Variants in ANK1 observed in about 807,000 individuals in gnomAD.
ANK1 encodes the protein ankyrin-1.
A neutral mutation model predicts 210.4 loss-of-function variants in ANK1; 51 were observed. The ratio of observed to expected loss-of-function variants is 0.24; its 90% CI spans 0.19 to 0.31. The LOEUF (loss-of-function observed/expected upper bound fraction) is 0.31. Among genes scored for constraint, ANK1 ranks in the 10% least tolerant of loss-of-function variants. The pLI is 1.00. For missense variants in ANK1, 2,051 were observed against 2,504.4 expected (o/e 0.82, Z 3.86); for synonymous variants, 967 against 1,025.9 (o/e 0.94, Z 1.10).
chr8:41,714,999 C>T lies in ANK1; in HGVS notation c.1678G>A (p.Ala560Thr), dbSNP rs911913735. ...RVAELLLERD[A>T]HPNAAGKNGL... Reference sequence around the variant, plus strand: ...ACTTTTCCGGCAGCATTCGGGTGTGCGTCCCGCTCCAGCAGCAGCTCTGCC... The same window carrying T: ...ACTTTTCCGGCAGCATTCGGGTGTGTGTCCCGCTCCAGCAGCAGCTCTGCC... Residue 560 changes from alanine to threonine, a missense_variant, in exon 15 of 43, where the codon GCA (alanine) becomes ACA (threonine). Coordinates refer to ENST00000289734, the MANE Select transcript of ANK1 (RefSeq NM_000037.4). 1.2e-6 allele frequency: 2 copies of T among 1,614,120 alleles called. No homozygotes were observed. The highest frequency in any genetic ancestry group is 2.7e-5 in the African/African-American group (2 of 75,042).
chr8:41,800,250 T>C (rs1849652902), upstream of ANK1, among the ~76,000 whole-genome samples: 1 of 152,190 alleles, frequency 6.6e-6, no homozygotes, highest in Non-Finnish European at 1.5e-5. Context: ...GATACTACTT[T>C]AAGCACTTGA....
At chr8:41,873,108 G>A (rs1243612256) in intron 1 of ANK1, among the ~76,000 whole-genome samples, 4 of 152,084 alleles carry the variant, frequency 2.6e-5, no homozygotes, top group African/African-American at 9.7e-5. Context: ...CCCCATTACC[G>A]TTTATTTTCT....
chr8:41,695,879 G>A (rs1208552101), intron 26 of ANK1, among the ~76,000 whole-genome samples: 2 of 152,242 alleles, frequency 1.3e-5, no homozygotes, highest in Non-Finnish European at 2.9e-5. Flanking sequence ...AGCCCAGGCT[G>A]CTTCAAGGGA....
chr8:41,802,998 A>AG (rs1491407422), intron 1 of ANK1, among the ~76,000 whole-genome samples: 4 of 52,780 alleles, frequency 7.6e-5, no homozygotes, highest in Admixed American at 3.7e-4. Flanking sequence ...AGAAAGAGAG[A>AG]AAGAAAGAAA....
At chr8:41,821,662 G>A (rs978001380) in intron 1 of ANK1, among the ~76,000 whole-genome samples, 30 of 152,132 alleles carry the variant, frequency 2.0e-4, no homozygotes, top group African/African-American at 6.8e-4. Context: ...AGGGAACACT[G>A]CTTTTCCCCT....
At chr8:41,688,307 G>A (rs1413674707) in intron 34 of ANK1, 77 bp from the exon 35 acceptor site, 1 of 1,520,168 alleles carries the variant, frequency 6.6e-7, no homozygotes, top group Non-Finnish European at 9.1e-7. Context: ...GGCCTGTGAT[G>A]GATGTGGCTT....
upstream of ANK1, chr8:41,797,630 C>T (rs1849024199): frequency 6.3e-7 from 1 of 1,585,450 alleles, no homozygotes; most frequent in South Asian, 1.1e-5. The surrounding 1 kb of genome is among the most constrained non-coding windows in gnomAD (Gnocchi z 4.0). Flanking sequence ...TCTGCGGGGC[C>T]TGTGACGTGC....
chr8:41,731,491 G>A (rs1209913321), intron 3 of ANK1, among the ~76,000 whole-genome samples: 1 of 152,138 alleles, frequency 6.6e-6, no homozygotes. Flanking sequence ...ATAGGAGGAT[G>A]GGGAGAGAAT....
chr8:41,864,814 C>T (rs1258773906), intron 1 of ANK1, among the ~76,000 whole-genome samples: 3 of 152,182 alleles, frequency 2.0e-5, no homozygotes, highest in Non-Finnish European at 4.4e-5. Context: ...CCTCCCTCGG[C>T]TCCCTGACCA....
At chr8:41,801,041 G>A (rs1302806114), upstream of ANK1, among the ~76,000 whole-genome samples, 1 of 152,322 alleles carries the variant, frequency 6.6e-6, no homozygotes, top group East Asian at 1.9e-4. Context: ...TCATGTTCCT[G>A]AAATTCAGCC....
intron 1 of ANK1, among the ~76,000 whole-genome samples, chr8:41,835,151 TAGC>T (rs957135471): frequency 9.2e-5 from 14 of 152,232 alleles, no homozygotes; most frequent in Admixed American, 5.2e-4. Flanking sequence ...GGGGGTCCCT[TAGC>T]AGAAGTTAGC....
At chr8:41,854,072 A>T (rs1251690498) in intron 1 of ANK1, among the ~76,000 whole-genome samples, 2 of 152,262 alleles carry the variant, frequency 1.3e-5, no homozygotes, top group Non-Finnish European at 2.9e-5. Context: ...ATCTTTGATT[A>T]GATACTTGGC....
chr8:41,797,517 G>T lies in ANK1; in HGVS notation c.22C>A (p.Arg8Ser). Residue 8 changes from arginine (R) to serine (S), a missense_variant, in exon 1 of 43, where the codon CGC becomes AGC. Transcript: ENST00000289734. This position sits in a 1 kb window ranked among gnomAD's most constrained non-coding sequence, Gnocchi z 4.0. Reference protein sequence around the residue: MPYSVGFREADAATSFLR... With the variant: MPYSVGFSEADAATSFLR... Reference sequence around the variant, plus strand: ...AGCAGCCGCCCAGTACTCACTTCGCGGAAGCCCACAGAATAGGGCATGCCG... The same window carrying T: ...AGCAGCCGCCCAGTACTCACTTCGCTGAAGCCCACAGAATAGGGCATGCCG... 3 of 1,613,742 alleles carry T rather than the reference G, an allele frequency of 1.9e-6. No homozygotes were observed. Among genetic ancestry groups the T allele is most frequent in the Middle Eastern group, 1.7e-4 (1 of 6,052 alleles).
At chr8:41,854,627 C>G (rs1341703157) in intron 1 of ANK1, among the ~76,000 whole-genome samples, 1 of 152,072 alleles carries the variant, frequency 6.6e-6, no homozygotes, top group African/African-American at 2.4e-5. Context: ...AGCATTGGCC[C>G]CAGATGGGAG....
Position 41,774,021 on chromosome 8 carries a change from T to C in ANK1, c.28-15884A>G, listed in dbSNP as rs185912169. Among the ~76,000 whole-genome samples the C allele has an allele frequency of 2.5e-4, 38 of 152,292 alleles. No individual in the cohort carries two copies. In the East Asian group the frequency reaches 5.8e-3, roughly 23 times the overall value. ...TTCAGCTTCAGTATCTGTGTCTCTT[T>C]TTGGATAAGAAATAGAACCAGAATT... On this transcript the variant is annotated intron_variant, in intron 1 of 42. Transcript: ENST00000289734.
chr8:41,711,620 A>G (rs1272085517), intron 16 of ANK1, among the ~76,000 whole-genome samples: 1 of 152,128 alleles, frequency 6.6e-6, no homozygotes, highest in Non-Finnish European at 1.5e-5. Flanking sequence ...CTTTTAGATA[A>G]AGCTTTACTC....
At chr8:41,697,150 G>T (rs1366417499) in intron 24 of ANK1, among the ~76,000 whole-genome samples, 1 of 152,178 alleles carries the variant, frequency 6.6e-6, no homozygotes, top group Non-Finnish European at 1.5e-5. Context: ...CCTCTAGGGT[G>T]GGCACTGCAT....
At chr8:41,814,143 C>T (rs985014938) in intron 1 of ANK1, among the ~76,000 whole-genome samples, 2 of 152,066 alleles carry the variant, frequency 1.3e-5, no homozygotes, top group African/African-American at 2.4e-5. Flanking sequence ...AGGTGGATCA[C>T]GAGGTCAGGA....
At chr8:41,868,187 A>G (rs73626653) in intron 1 of ANK1, among the ~76,000 whole-genome samples, 3,801 of 152,310 alleles carry the variant, frequency 0.025, 167 homozygotes, top group African/African-American at 0.085. Flanking sequence ...TAAAAGCATG[A>G]TAACAGTATT....
Sources: gnomAD v4.1 joint callset for allele counts (sites outside exome capture counted in the v4.1 genomes callset) on GRCh38, gnomAD v4.1.1 for gene constraint, Gnocchi (gnomAD v3.1) non-coding constraint, MANE v1.5 for transcripts, NCBI Gene and HGNC (gene_info 2026-07-23, HGNC 2026-07-21) for gene names.